The following CYP4Z1 variants were observed in gnomAD, a reference collection of about 807,000 sequenced individuals.
The protein encoded by CYP4Z1 is cytochrome P450 4Z1.
Under a neutral mutation model 54.2 loss-of-function variants are expected in CYP4Z1, and 41 were observed. The ratio of observed to expected loss-of-function variants is 0.76; its 90% CI spans 0.59 to 0.98. The LOEUF (loss-of-function observed/expected upper bound fraction) is 0.98. Ranked by LOEUF, CYP4Z1 falls within the 50% of genes least tolerant of loss-of-function variation. The pLI is 0.00. For missense variants in CYP4Z1, 513 were observed against 599.0 expected (o/e 0.86, Z 1.50); for synonymous variants, 163 against 206.2 (o/e 0.79, Z 1.79).
At chr1:47,106,673 G>A (rs1235553471) in intron 9 of CYP4Z1, among the ~76,000 whole-genome samples, 1 of 152,130 alleles carries the variant, frequency 6.6e-6, no homozygotes, top group African/African-American at 2.4e-5. Flanking sequence ...AGCAATTGCT[G>A]TAATCCACAG....
chr1:47,114,854 TA>T (rs1644818392), intron 9 of CYP4Z1, among the ~76,000 whole-genome samples: 1 of 152,220 alleles, frequency 6.6e-6, no homozygotes, highest in South Asian at 2.1e-4. Flanking sequence ...GGTGGGACTG[TA>T]AACTAGTTCA....
chr1:47,068,796 A>G (rs1644471405), intron 2 of CYP4Z1, 33 bp downstream of exon 2: 2 of 1,604,948 alleles, frequency 1.2e-6, no homozygotes, highest in South Asian at 2.2e-5. Context: ...AGTACAGAGC[A>G]GCAACAAAGA....
intron 9 of CYP4Z1, among the ~76,000 whole-genome samples, chr1:47,114,917 A>G (rs1644818828): frequency 6.6e-6 from 1 of 152,172 alleles, no homozygotes; most frequent in Non-Finnish European, 1.5e-5. Flanking sequence ...AACTAGAAAT[A>G]CCATTTGACC....
Position 47,117,791 on chromosome 1 carries a change from A to G in CYP4Z1, c.1375A>G (p.Ile459Val), listed in dbSNP as rs766218898. The change falls in exon 12 of 12, where the codon ATA (isoleucine) becomes GTA (valine). Residue 459 changes from isoleucine (I) to valine (V), a missense_variant. Physicochemically the swap from Ile to Val is conservative, Grantham distance 29. Coordinates refer to ENST00000334194, the MANE Select transcript of CYP4Z1 (RefSeq NM_178134.3). The stretch of plus-strand genomic sequence containing the variant: ...GAACTGCATTGGGCAGCATTTTGCC[A>G]TAATTGAGTGTAAAGTGGCAGTGGC... ...LRNCIGQHFA[I>V]IECKVAVALT... is the part of the protein sequence containing the mutation. 5 of 1,613,360 alleles carry G rather than the reference A, an allele frequency of 3.1e-6. No homozygotes were observed. The highest frequency in any genetic ancestry group is 1.3e-5 in the African/African-American group (1 of 74,884).
At chr1:47,103,574 TCTTTTTTTTTTC>T (rs1644735455) in intron 8 of CYP4Z1, among the ~76,000 whole-genome samples, 1 of 148,696 alleles carries the variant, frequency 6.7e-6, no homozygotes, top group African/African-American at 2.5e-5. Context: ...CTCACCTTCT[TCTTTTTTTTTTC>T]TTTTTTTTCT....
chr1:47,057,873 G>A, the CYP4Z1 span, among the ~76,000 whole-genome samples: 1 of 151,872 alleles, frequency 6.6e-6, no homozygotes, highest in Non-Finnish European at 1.5e-5. Flanking sequence ...TATGGCTAGT[G>A]GGTTTTAATT....
intron 8 of CYP4Z1, among the ~76,000 whole-genome samples, chr1:47,101,726 A>T (rs769342659): frequency 6.6e-6 from 1 of 152,170 alleles, no homozygotes; most frequent in Non-Finnish European, 1.5e-5. Flanking sequence ...TTCTTCACCT[A>T]TTGGACAAAA....
chr1:47,103,943 G>A (rs1644738853), intron 8 of CYP4Z1, among the ~76,000 whole-genome samples: 1 of 152,014 alleles, frequency 6.6e-6, no homozygotes, highest in Non-Finnish European at 1.5e-5. Flanking sequence ...CTTTTCCCAG[G>A]ATTTTGTAAA....
At chr1:47,092,622 C>T (rs1272987657) in intron 6 of CYP4Z1, among the ~76,000 whole-genome samples, 1 of 151,994 alleles carries the variant, frequency 6.6e-6, no homozygotes, top group South Asian at 2.1e-4. Context: ...CCAGAATTGC[C>T]TCTCTCCCAA....
At chr1:47,091,575 T>C (rs1427568123) in intron 6 of CYP4Z1, among the ~76,000 whole-genome samples, 1 of 149,568 alleles carries the variant, frequency 6.7e-6, no homozygotes, top group Non-Finnish European at 1.5e-5. Flanking sequence ...ATTAGCTCCG[T>C]CAATTAAGTG....
rs34936674 is a variant in CYP4Z1 at position 47,106,271 on chromosome 1, CT to C, written c.1201+26del. On this transcript the variant is annotated intron_variant, in intron 9 of 11. Transcript: ENST00000334194. ...CGCTCCTTACCTGCAGGTCTTAAAACTTTTTTTTTTTTTTTTAACAATGCAG... is the reference window on the plus strand; with the variant it reads ...CGCTCCTTACCTGCAGGTCTTAAAACTTTTTTTTTTTTTTTAACAATGCAG... 105,629 of 1,428,268 alleles carry C rather than the reference CT, an allele frequency of 0.074. No individual in the cohort carries two copies. The highest frequency in any genetic ancestry group is 0.14 in the Middle Eastern group (737 of 5,288). 88.5% of individuals were successfully genotyped at this position (1,428,268 alleles called of 1,614,324 possible).
chr1:47,115,039 A>G lies in CYP4Z1; in HGVS notation c.1202-490A>G, dbSNP rs528074933. On this transcript the variant is annotated intron_variant, in intron 9 of 11. Coordinates refer to ENST00000334194, the MANE Select transcript of CYP4Z1 (RefSeq NM_178134.3). ...CTATTCACAATAGCAAAGACTTGGA[A>G]CCAACCCAAATGTCCAACAATGATA... is the stretch of plus-strand genomic sequence containing the variant. Among the ~76,000 whole-genome samples the G allele has an allele frequency of 1.2e-3, 183 of 152,308 alleles. 2 individuals carry two copies. Among genetic ancestry groups the G allele is most frequent in the Admixed American group, 0.012 (180 of 15,298 alleles).
chr1:47,082,761 A>T (rs1174006433), intron 4 of CYP4Z1, among the ~76,000 whole-genome samples: 1 of 151,598 alleles, frequency 6.6e-6, no homozygotes, highest in African/African-American at 2.4e-5. Context: ...AGACACCCAT[A>T]GGAGTAGCCA....
Position 47,116,745 on chromosome 1 carries a change from G to T in CYP4Z1, c.1349+13G>T. On this transcript the variant is annotated intron_variant, in intron 11 of 11. Transcript: ENST00000334194. ...CAGCTGGATTAAGGTAAAGACTCAA[G>T]CTGGTGAACTTGATGGAAATGTGTA... The T allele has an allele frequency of 6.3e-7, 1 of 1,589,696 alleles. No homozygotes were observed. The highest frequency in any genetic ancestry group is 8.6e-7 in the Non-Finnish European group (1 of 1,161,496).
intron 7 of CYP4Z1, among the ~76,000 whole-genome samples, chr1:47,095,775 T>C (rs1468640704): frequency 1.3e-5 from 2 of 152,212 alleles, no homozygotes; most frequent in East Asian, 3.9e-4. Context: ...AATTCTGGTT[T>C]GGTCCAAATC....
At chr1:47,103,661 C>G (rs1644737192) in intron 8 of CYP4Z1, among the ~76,000 whole-genome samples, 1 of 133,206 alleles carries the variant, frequency 7.5e-6, no homozygotes, top group Non-Finnish European at 1.5e-5. Flanking sequence ...ATGGCACGAT[C>G]TTGGCTCACT....
At chr1:47,068,521 G>A (rs2148524193) in intron 1 of CYP4Z1, 101 bp from the exon 2 acceptor site, 1 of 1,428,636 alleles carries the variant, frequency 7.0e-7, no homozygotes, top group South Asian at 1.3e-5. Context: ...TGATGGGGTG[G>A]TGTCCACAGA....
intron 8 of CYP4Z1, among the ~76,000 whole-genome samples, chr1:47,104,525 T>C (rs1202827889): frequency 3.3e-5 from 5 of 152,326 alleles, no homozygotes; most frequent in Non-Finnish European, 7.4e-5. Context: ...GACAACCTGC[T>C]TGATACTAAG....
intron 2 of CYP4Z1, among the ~76,000 whole-genome samples, chr1:47,069,175 C>T (rs1490660704): frequency 2.6e-5 from 4 of 152,248 alleles, no homozygotes; most frequent in Admixed American, 1.3e-4. Flanking sequence ...GTTGCCTGTC[C>T]TCTGGGAATG....
Sources: gnomAD v4.1 joint callset for allele counts (sites outside exome capture counted in the v4.1 genomes callset) on GRCh38, gnomAD v4.1.1 for gene constraint, MANE v1.5 for transcripts, NCBI Gene and HGNC (gene_info 2026-07-23, HGNC 2026-07-21) for gene names.